The following SRGAP2 variants were observed in gnomAD, a reference collection of about 807,000 sequenced individuals.
SRGAP2 encodes the protein SLIT-ROBO Rho GTPase activating protein 2, also known as SLIT-ROBO Rho GTPase-activating protein 2.
Under a neutral mutation model 57.2 loss-of-function variants are expected in SRGAP2, and 15 were observed. That is an observed-to-expected ratio of 0.26 (90% CI 0.18 to 0.40). SRGAP2 has a LOEUF of 0.40. Among genes scored for constraint, SRGAP2 ranks in the 10% least tolerant of loss-of-function variants. The pLI, the probability that SRGAP2 is intolerant of heterozygous loss-of-function variation, is 1.00. For missense variants in SRGAP2, 520 were observed against 669.6 expected, an observed-to-expected ratio of 0.78 and a Z score of 2.47; for synonymous variants, 249 against 248.0, an observed-to-expected ratio of 1.00 and a Z score of -0.04.
chr1:206,360,086 G>A (rs576087818), intron 4 of SRGAP2, among the ~76,000 whole-genome samples: 1 of 152,196 alleles, frequency 6.6e-6, no homozygotes, highest in African/African-American at 2.4e-5. Flanking sequence ...GATTACAGGC[G>A]TGAGCCACCG....
chr1:206,389,368 G>A (rs1389895979), intron 5 of SRGAP2, among the ~76,000 whole-genome samples: 6 of 151,738 alleles, frequency 4.0e-5, no homozygotes, highest in Admixed American at 6.6e-5. Context: ...TAGTAGAGGC[G>A]GGGTTTCATC....
At chr1:206,455,383 T>A in intron 21 of SRGAP2, 1 of 272,580 alleles carries the variant, frequency 3.7e-6, no homozygotes, top group Non-Finnish European at 7.1e-6. Flanking sequence ...CAGAGGTGCC[T>A]TCTTTTTTCC....
rs766089698 is a variant in SRGAP2, at chr1:206,454,049, C to A, written c.2360+669C>A. 66 of 696,916 alleles carry A rather than the reference C, an allele frequency of 9.5e-5. 2 individuals carry two copies. Among genetic ancestry groups the A allele is most frequent in the South Asian group, 3.6e-4 (24 of 66,604 alleles). 43.2% of individuals were successfully genotyped at this position (696,916 alleles called of 1,614,324 possible). A position where few individuals can be genotyped will look rare whatever the true frequency, so the allele number is the denominator to read the frequency against. ...CCCGTGGGCCCACCCAAGCCTGCCC[C>A]CTGTCCGTTTGCCCTGTCTCTGTCC... is the stretch of plus-strand genomic sequence containing the variant. On this transcript the variant is annotated intron_variant, in intron 20 of 22. Transcript: ENST00000573034. The surrounding 1 kb of genome is among the most constrained non-coding windows in gnomAD (Gnocchi z 4.3).
intron 2 of SRGAP2, among the ~76,000 whole-genome samples, chr1:206,224,390 A>G (rs1458523464): frequency 1.4e-5 from 2 of 145,818 alleles, no homozygotes; most frequent in Non-Finnish European, 3.0e-5. Flanking sequence ...ACCATGGAGG[A>G]AAAAAGCCTA....
chr1:206,251,234 G>C (rs1194608701), intron 2 of SRGAP2, among the ~76,000 whole-genome samples: 2 of 152,066 alleles, frequency 1.3e-5, no homozygotes, highest in Non-Finnish European at 2.9e-5. Context: ...CATATTTCTA[G>C]TTTGCATCTG....
At chr1:206,240,886 A>G (rs1357434334) in intron 2 of SRGAP2, among the ~76,000 whole-genome samples, 1 of 152,146 alleles carries the variant, frequency 6.6e-6, no homozygotes, top group African/African-American at 2.4e-5. Context: ...CCTTGGAAGT[A>G]AATTGAAATG....
At chr1:206,369,600 T>G (rs141566842) in intron 4 of SRGAP2, among the ~76,000 whole-genome samples, 408 of 152,332 alleles carry the variant, frequency 2.7e-3, no homozygotes, top group Middle Eastern at 6.8e-3. Flanking sequence ...AAGACTTGAA[T>G]AGGCATTTCT....
intron 4 of SRGAP2, among the ~76,000 whole-genome samples, chr1:206,357,567 C>A (rs1291357652): frequency 8.3e-6 from 1 of 121,048 alleles, no homozygotes; most frequent in African/African-American, 3.1e-5. Flanking sequence ...CCTTATGGTT[C>A]TTTGGCTATG....
chr1:206,312,659 C>A (rs1672745831), intron 3 of SRGAP2, among the ~76,000 whole-genome samples: 1 of 152,046 alleles, frequency 6.6e-6, no homozygotes, highest in African/African-American at 2.4e-5. Context: ...ATTATTTGAC[C>A]CTATGTTATT....
chr1:206,409,607 C>A (rs1341296459), intron 10 of SRGAP2, among the ~76,000 whole-genome samples: 25 of 151,932 alleles, frequency 1.6e-4, no homozygotes, highest in African/African-American at 6.0e-4. Flanking sequence ...CATGGTGAAA[C>A]CCTGTCTCTA....
At chr1:206,305,879 T>C (rs1336908934) in intron 3 of SRGAP2, among the ~76,000 whole-genome samples, 2 of 152,140 alleles carry the variant, frequency 1.3e-5, no homozygotes, top group African/African-American at 4.8e-5. Flanking sequence ...AGAGGTTTTT[T>C]TCCTCAGAGT....
chr1:206,453,649 C>T, intron 20 of SRGAP2: 1 of 310,644 alleles, frequency 3.2e-6, no homozygotes, highest in Non-Finnish European at 5.8e-6. Flanking sequence ...TGCCAGCCAG[C>T]CAGCACTCAT....
chr1:206,347,855 G>C (rs1190732699), intron 4 of SRGAP2, among the ~76,000 whole-genome samples: 1 of 151,002 alleles, frequency 6.6e-6, no homozygotes, highest in Non-Finnish European at 1.5e-5. Flanking sequence ...CCTACCTGGG[G>C]TTGGGGCAAG....
chr1:206,353,128 A>G lies in SRGAP2; in HGVS notation c.423+10120A>G, dbSNP rs541042913. Among the ~76,000 whole-genome samples the G allele has an allele frequency of 1.4e-3, 220 of 152,262 alleles. 3 individuals carry two copies. In the Middle Eastern group the frequency reaches 0.027, roughly 19 times the overall value. On this transcript the variant is annotated intron_variant, in intron 4 of 22. Coordinates refer to ENST00000573034, the MANE Select transcript of SRGAP2 (RefSeq NM_015326.5). ...TATCCAGACAATCCCTGATCTGTCA[A>G]ATATCTAATTTGTAGAAATTGTAGG...
chr1:206,430,349 A>G, intron 14 of SRGAP2, 127 bp downstream of exon 14: 1 of 675,510 alleles, frequency 1.5e-6, no homozygotes, highest in Non-Finnish European at 2.8e-6. Flanking sequence ...ATAAATTCTT[A>G]CTTGTCCACA....
At chr1:206,410,179 A>G (rs922164421) in intron 10 of SRGAP2, among the ~76,000 whole-genome samples, 3 of 152,200 alleles carry the variant, frequency 2.0e-5, no homozygotes, top group Non-Finnish European at 4.4e-5. Flanking sequence ...CTCTGGTTAC[A>G]GGGTCTCTGG....
At chr1:206,244,861 A>C (rs1465906456) in intron 2 of SRGAP2, among the ~76,000 whole-genome samples, 4 of 151,168 alleles carry the variant, frequency 2.6e-5, no homozygotes, top group Admixed American at 6.6e-5. Flanking sequence ...GCCTCATTTC[A>C]CCACCTCTCC....
intron 2 of SRGAP2, among the ~76,000 whole-genome samples, chr1:206,220,811 T>C (rs1439428498): frequency 4.6e-5 from 7 of 152,340 alleles, no homozygotes; most frequent in African/African-American, 1.7e-4. Flanking sequence ...CGTTGGCTTA[T>C]AGCTACTGGA....
At chr1:206,389,836 C>T (rs76774820) in intron 5 of SRGAP2, among the ~76,000 whole-genome samples, 1 of 149,506 alleles carries the variant, frequency 6.7e-6, no homozygotes, top group Non-Finnish European at 1.5e-5. Context: ...TTCAGTTTTT[C>T]CCCATAGTTT....
Sources: allele counts gnomAD v4.1 joint callset (sites outside exome capture counted in the v4.1 genomes callset), GRCh38; gene constraint gnomAD v4.1.1; non-coding constraint Gnocchi (gnomAD v3.1); transcripts MANE v1.5; gene names NCBI Gene and HGNC (gene_info 2026-07-23, HGNC 2026-07-21).